PTPRT: variants seen among roughly 807,000 people sequenced by gnomAD.
The protein encoded by PTPRT is protein tyrosine phosphatase receptor type T.
In PTPRT, 56 loss-of-function variants were observed where a neutral mutation model predicts 176.8. That is an observed-to-expected ratio of 0.32 (90% CI 0.26 to 0.40). The LOEUF (loss-of-function observed/expected upper bound fraction) is 0.40, where lower values mean the gene tolerates loss of function less well. Ranked by LOEUF, PTPRT falls within the 10% of genes least tolerant of loss-of-function variation. The pLI is 1.00. For missense variants in PTPRT, 1,540 were observed against 1,908.2 expected (o/e 0.81, Z 3.60); for synonymous variants, 783 against 739.0 (o/e 1.06, Z -0.96).
chr20:42,712,145 A>G (rs1021279207), intron 6 of PTPRT, among the ~76,000 whole-genome samples: 2 of 151,944 alleles, frequency 1.3e-5, no homozygotes, highest in East Asian at 1.9e-4. Flanking sequence ...AGCAAGAGGT[A>G]TCTCATTAGG....
intron 7 of PTPRT, among the ~76,000 whole-genome samples, chr20:42,474,963 G>T (rs1163444734): frequency 6.6e-6 from 1 of 152,202 alleles, no homozygotes; most frequent in Admixed American, 6.5e-5. Flanking sequence ...CCCTCCTGAG[G>T]CAGGGAGAAG....
the PTPRT span, among the ~76,000 whole-genome samples, chr20:42,045,756 A>G: frequency 1.3e-5 from 2 of 152,198 alleles, no homozygotes; most frequent in East Asian, 3.9e-4. Context: ...TAAAGCCAGG[A>G]TTCATACCTG....
chr20:42,924,056 T>C (rs1470990555), intron 1 of PTPRT, among the ~76,000 whole-genome samples: 1 of 152,164 alleles, frequency 6.6e-6, no homozygotes, highest in African/African-American at 2.4e-5. Flanking sequence ...GGTTTTGCCA[T>C]GTTGGCCAAG....
chr20:42,115,726 T>C (rs1476475512), intron 21 of PTPRT, among the ~76,000 whole-genome samples: 1 of 152,220 alleles, frequency 6.6e-6, no homozygotes, highest in African/African-American at 2.4e-5. Context: ...CTGAGTCCCC[T>C]TTCTGCTCTG....
chr20:42,525,295 T>C (rs865803443), intron 7 of PTPRT, among the ~76,000 whole-genome samples: 7 of 152,208 alleles, frequency 4.6e-5, no homozygotes, highest in Non-Finnish European at 1.0e-4. Flanking sequence ...TCATCTTTTA[T>C]TTCTGTAAAT....
intron 17 of PTPRT, among the ~76,000 whole-genome samples, chr20:42,148,657 G>T (rs534444312): frequency 1.3e-5 from 2 of 152,266 alleles, no homozygotes; most frequent in South Asian, 4.1e-4. Context: ...GGTAGGCCTT[G>T]GTGCTCTCCT....
chr20:42,616,723 G>T (rs1452354358), intron 7 of PTPRT, among the ~76,000 whole-genome samples: 1 of 116,946 alleles, frequency 8.6e-6, no homozygotes, highest in Non-Finnish European at 1.7e-5. Context: ...GTTCACTCAT[G>T]ATTTGGCTCT....
intron 5 of PTPRT, among the ~76,000 whole-genome samples, chr20:42,768,899 G>C (rs2077023254): frequency 6.6e-6 from 1 of 152,158 alleles, no homozygotes. Flanking sequence ...CCAAGGTTCA[G>C]GGCATGCAAC....
chr20:43,105,094 G>A (rs2012545792), intron 1 of PTPRT, among the ~76,000 whole-genome samples: 1 of 152,108 alleles, frequency 6.6e-6, no homozygotes, highest in Non-Finnish European at 1.5e-5. Context: ...CATCCAGATG[G>A]ACAGGGGAAG....
the PTPRT span, among the ~76,000 whole-genome samples, chr20:42,038,524 GA>G: frequency 6.6e-6 from 1 of 152,192 alleles, no homozygotes; most frequent in Middle Eastern, 3.2e-3. Context: ...TCTGTGTGGG[GA>G]CACAAAGTGC....
At chr20:42,914,534 A>C (rs933256219) in intron 1 of PTPRT, among the ~76,000 whole-genome samples, 1 of 152,238 alleles carries the variant, frequency 6.6e-6, no homozygotes, top group African/African-American at 2.4e-5. Context: ...CGCTTGCAAC[A>C]ATATGGCCAA....
chr20:42,867,891 A>G (rs2078776864), intron 2 of PTPRT, among the ~76,000 whole-genome samples: 1 of 152,072 alleles, frequency 6.6e-6, no homozygotes, highest in Non-Finnish European at 1.5e-5. Flanking sequence ...CATGTTGACC[A>G]GGCTGGTCTC....
intron 2 of PTPRT, among the ~76,000 whole-genome samples, chr20:42,847,231 C>A (rs1463991894): frequency 6.6e-6 from 1 of 152,080 alleles, no homozygotes; most frequent in Non-Finnish European, 1.5e-5. Flanking sequence ...GGGAGGAAGT[C>A]GTTAACAGAA....
intron 6 of PTPRT, among the ~76,000 whole-genome samples, chr20:42,726,790 C>A (rs140593018): frequency 6.6e-6 from 1 of 152,214 alleles, no homozygotes; most frequent in Non-Finnish European, 1.5e-5. Context: ...GTGCAGCTCA[C>A]GTTCAGTCCC....
intron 7 of PTPRT, among the ~76,000 whole-genome samples, chr20:42,641,826 C>T (rs11696309): frequency 0.1 from 15,692 of 152,118 alleles, 1,022 homozygotes; most frequent in Middle Eastern, 0.16. Context: ...GACCTGGTGT[C>T]GACAGAGGGA....
chr20:42,059,128 G>C, the PTPRT span, among the ~76,000 whole-genome samples: 1 of 152,184 alleles, frequency 6.6e-6, no homozygotes, highest in Non-Finnish European at 1.5e-5. Flanking sequence ...ATTTCTGGGC[G>C]AGGACTCTGA....
chr20:43,103,064 G>T (rs1396378563), intron 1 of PTPRT, among the ~76,000 whole-genome samples: 2 of 152,130 alleles, frequency 1.3e-5, no homozygotes, highest in African/African-American at 4.8e-5. Context: ...TGACCAGGAA[G>T]CCCCTGTTTA....
At chr20:42,687,772 A>C (rs904001914) in intron 6 of PTPRT, 21 of 152,122 alleles carry the variant, frequency 1.4e-4, no homozygotes, top group Non-Finnish European at 2.6e-4. Flanking sequence ...TGCCTTATCC[A>C]GTTTGGATCT....
rs1175056402 is a variant in PTPRT, at chr20:42,633,788, T to A, written c.1153+44078A>T. 3.9e-3 allele frequency among the ~76,000 whole-genome samples: 85 copies of A among 21,888 alleles called. 1 individual carries two copies. Among genetic ancestry groups the A allele is most frequent in the Middle Eastern group, 0.02 (1 of 50 alleles). The allele number at this position is 21,888 out of a possible 152,430, so 14.4% of individuals were successfully genotyped here. On this transcript the variant is annotated intron_variant, in intron 7 of 30. Transcript: ENST00000373187. ...GCAACACAGCAAGACTCTGAAAATATATATATATATATATATATATATATA... is the reference window on the plus strand; with the variant it reads ...GCAACACAGCAAGACTCTGAAAATAAATATATATATATATATATATATATA...
Sources: gnomAD v4.1 joint callset for allele counts (sites outside exome capture counted in the v4.1 genomes callset) on GRCh38, gnomAD v4.1.1 for gene constraint, MANE v1.5 for transcripts, NCBI Gene and HGNC (gene_info 2026-07-23, HGNC 2026-07-21) for gene names.